Variants in GSK3B observed in about 807,000 individuals in gnomAD.
GSK3B encodes the protein glycogen synthase kinase 3 beta.
GSK3B carries 15 observed loss-of-function variants against 56.4 expected under a neutral mutation model. The ratio of observed to expected loss-of-function variants is 0.27; its 90% CI spans 0.18 to 0.41. GSK3B has a LOEUF of 0.41. Among genes scored for constraint, GSK3B ranks in the 10% least tolerant of loss-of-function variants. The probability of loss-of-function intolerance (pLI) is 1.00; values close to 1 mark genes in which losing one functional copy is unlikely to be tolerated. For missense variants in GSK3B, 300 were observed against 513.4 expected (o/e 0.58, Z 4.02); for synonymous variants, 181 against 188.9 (o/e 0.96, Z 0.34).
intron 2 of GSK3B, among the ~76,000 whole-genome samples, chr3:119,996,902 A>C (rs1004986861): frequency 6.6e-6 from 1 of 151,552 alleles, no homozygotes; most frequent in Non-Finnish European, 1.5e-5. Context: ...AAATACCTCC[A>C]AAAAAAATCA....
rs2055444032 is a variant in GSK3B, at chr3:119,823,321, G to A, written c.*3467C>T. On this transcript the variant is annotated 3_prime_UTR_variant, in exon 11 of 11. Coordinates refer to ENST00000264235, the MANE Select transcript of GSK3B (RefSeq NM_001146156.2). ...CAAGGGTAGAGATGGCGGGAGGGAG[G>A]AAATGGGCTAAGAGTTCCCTTGTTA... The A allele has an allele frequency of 4.8e-6, 1 of 206,906 alleles. No homozygotes were observed. The highest frequency in any genetic ancestry group is 5.9e-5 in the Admixed American group (1 of 16,860). 12.8% of individuals were successfully genotyped at this position (206,906 alleles called of 1,614,324 possible).
At chr3:119,977,326 CAA>C (rs2057417479) in intron 2 of GSK3B, among the ~76,000 whole-genome samples, 1 of 152,140 alleles carries the variant, frequency 6.6e-6, no homozygotes, top group African/African-American at 2.4e-5. Flanking sequence ...TCAATGGTCC[CAA>C]CTGCTGACCT....
chr3:120,093,617 A>G lies in GSK3B; in HGVS notation c.-183T>C, dbSNP rs144673916. The G allele has an allele frequency of 6.5e-4, 342 of 529,452 alleles. 2 individuals are homozygous for G. The highest frequency in any genetic ancestry group is 5.5e-3 in the African/African-American group (293 of 53,378). The allele number at this position is 529,452 out of a possible 1,614,324, so 32.8% of individuals were successfully genotyped here. On this transcript the variant is annotated 5_prime_UTR_variant, in exon 1 of 11. Coordinates refer to ENST00000264235, the MANE Select transcript of GSK3B (RefSeq NM_001146156.2). The stretch of plus-strand genomic sequence containing the variant: ...TACTATAAAAAACAAAACAAGCGAT[A>G]TATTTCTCCTTCAAGACAGATCGGC...
At chr3:119,872,750 T>C (rs2056264020) in intron 8 of GSK3B, among the ~76,000 whole-genome samples, 1 of 152,164 alleles carries the variant, frequency 6.6e-6, no homozygotes, top group African/African-American at 2.4e-5. Context: ...ATATTATGGC[T>C]GTATTTTCAA....
intron 9 of GSK3B, among the ~76,000 whole-genome samples, chr3:119,845,086 C>T (rs115310619): frequency 0.022 from 3,412 of 152,172 alleles, 109 homozygotes; most frequent in African/African-American, 0.077. Context: ...ATAGATGTGG[C>T]GAAGGCCTTT....
intron 1 of GSK3B, among the ~76,000 whole-genome samples, chr3:120,007,160 T>C (rs1023248405): frequency 3.9e-5 from 6 of 152,102 alleles, no homozygotes; most frequent in Non-Finnish European, 8.8e-5. Flanking sequence ...CTAGAAAATC[T>C]ACAAGAAATG....
intron 8 of GSK3B, among the ~76,000 whole-genome samples, chr3:119,875,647 T>C (rs537646369): frequency 1.3e-5 from 2 of 152,008 alleles, no homozygotes; most frequent in African/African-American, 4.8e-5. Flanking sequence ...ATGAAGAAGC[T>C]AGAGATTCAC....
At chr3:119,879,854 C>A (rs2056359829) in intron 7 of GSK3B, among the ~76,000 whole-genome samples, 1 of 152,196 alleles carries the variant, frequency 6.6e-6, no homozygotes, top group South Asian at 2.1e-4. Flanking sequence ...TTTATCCATT[C>A]ATGAAGTGTC....
intron 1 of GSK3B, among the ~76,000 whole-genome samples, chr3:120,022,243 G>T (rs1375460293): frequency 6.6e-6 from 1 of 152,158 alleles, no homozygotes; most frequent in Non-Finnish European, 1.5e-5. Context: ...TTCGCTGAAG[G>T]CTCAGATTAT....
chr3:119,900,911 T>A (rs1213183145), intron 7 of GSK3B, among the ~76,000 whole-genome samples: 2 of 152,150 alleles, frequency 1.3e-5, no homozygotes, highest in African/African-American at 4.8e-5. Flanking sequence ...GAACAGTAAG[T>A]GATTTTTGTC....
chr3:120,029,607 G>A (rs1345691240), intron 1 of GSK3B: 23 of 569,876 alleles, frequency 4.0e-5, no homozygotes, highest in South Asian at 2.1e-4. Context: ...GATCCCAGAA[G>A]GGAGGCTTGC....
intron 1 of GSK3B, among the ~76,000 whole-genome samples, chr3:120,035,741 A>G (rs1292041901): frequency 2.6e-5 from 4 of 152,180 alleles, no homozygotes; most frequent in Admixed American, 2.6e-4. Flanking sequence ...AGATGGCATT[A>G]TAAGTGGAAC....
At chr3:119,991,750 T>C (rs904870519) in intron 2 of GSK3B, among the ~76,000 whole-genome samples, 4 of 152,102 alleles carry the variant, frequency 2.6e-5, no homozygotes, top group African/African-American at 9.6e-5. Context: ...TATATCAAAT[T>C]TTATTTTTTG....
intron 2 of GSK3B, among the ~76,000 whole-genome samples, chr3:119,956,443 G>T (rs979666327): frequency 3.9e-5 from 6 of 152,074 alleles, no homozygotes; most frequent in Admixed American, 3.9e-4. Context: ...ACTTTTTTTG[G>T]ATTTAGTATT....
chr3:120,041,931 G>A (rs1008687070), intron 1 of GSK3B, among the ~76,000 whole-genome samples: 1 of 152,220 alleles, frequency 6.6e-6, no homozygotes, highest in African/African-American at 2.4e-5. Flanking sequence ...GCAGAACCAG[G>A]AGGAACCATC....
At chr3:119,840,646 C>T (rs1352345362) in intron 10 of GSK3B, among the ~76,000 whole-genome samples, 1 of 152,200 alleles carries the variant, frequency 6.6e-6, no homozygotes, top group Non-Finnish European at 1.5e-5. Context: ...ATCACTTGGT[C>T]TAGACCAGCA....
intron 3 of GSK3B, among the ~76,000 whole-genome samples, chr3:119,924,601 T>G (rs913951098): frequency 6.6e-6 from 1 of 152,132 alleles, no homozygotes. Context: ...GATTAGGAAA[T>G]AGTGAAACAT....
At chr3:120,045,037 A>G (rs369628941) in intron 1 of GSK3B, among the ~76,000 whole-genome samples, 2 of 152,300 alleles carry the variant, frequency 1.3e-5, no homozygotes, top group East Asian at 1.9e-4. Flanking sequence ...ACTTGTACTC[A>G]TTCTTATTGG....
At chr3:119,951,167 G>T (rs532405574) in intron 2 of GSK3B, among the ~76,000 whole-genome samples, 4 of 152,216 alleles carry the variant, frequency 2.6e-5, no homozygotes, top group Non-Finnish European at 4.4e-5. Flanking sequence ...GTGCACATAT[G>T]GGGGTGGAGG....
Sources: allele counts gnomAD v4.1 joint callset (sites outside exome capture counted in the v4.1 genomes callset), GRCh38; gene constraint gnomAD v4.1.1; transcripts MANE v1.5; gene names NCBI Gene and HGNC (gene_info 2026-07-23, HGNC 2026-07-21).